Variants in SPATA6L observed in about 807,000 individuals in gnomAD.
SPATA6L encodes the protein spermatogenesis associated 6-like protein.
In SPATA6L, 68 loss-of-function variants were observed where a neutral mutation model predicts 49.2. That is an observed-to-expected ratio of 1.38 (90% CI 1.14 to 1.69). The LOEUF is 1.69. SPATA6L is among the 40% of genes most tolerant of loss of function. The probability of loss-of-function intolerance (pLI) is 0.00; values close to 1 mark genes in which losing one functional copy is unlikely to be tolerated. For missense variants in SPATA6L, 668 were observed against 464.3 expected (o/e 1.44, Z -4.03); for synonymous variants, 198 against 165.7 (o/e 1.19, Z -1.50).
chr9:4,597,615 T>C (rs79929672), downstream of SPATA6L, among the ~76,000 whole-genome samples: 1,337 of 152,316 alleles, frequency 8.8e-3, 13 homozygotes, highest in African/African-American at 0.031. Context: ...AGTAACTTCA[T>C]TGCCATAATT....
At chr9:4,601,155 T>C (rs147496093) in intron 11 of SPATA6L, among the ~76,000 whole-genome samples, 2 of 152,206 alleles carry the variant, frequency 1.3e-5, no homozygotes, top group African/African-American at 2.4e-5. Flanking sequence ...CAATTAACTA[T>C]ATTCTACTGA....
chr9:4,644,253 G>GCTA (rs1460593423), intron 3 of SPATA6L, among the ~76,000 whole-genome samples: 1 of 142,344 alleles, frequency 7.0e-6, no homozygotes, highest in African/African-American at 2.6e-5. Context: ...TGTAGTTCCA[G>GCTA]CTACTGGGAG....
intron 6 of SPATA6L, among the ~76,000 whole-genome samples, chr9:4,624,068 A>G (rs2130436103): frequency 6.6e-6 from 1 of 152,354 alleles, no homozygotes; most frequent in Middle Eastern, 3.4e-3. Context: ...ACTACAATTC[A>G]TAGTCTCTGC....
At chr9:4,594,296 G>GA (rs1822095422), downstream of SPATA6L, among the ~76,000 whole-genome samples, 4 of 152,158 alleles carry the variant, frequency 2.6e-5, no homozygotes, top group Non-Finnish European at 5.9e-5. Flanking sequence ...TGCAAGCTCT[G>GA]CCTCCCGGGT....
chr9:4,605,480 A>G lies in SPATA6L; in HGVS notation c.996-40T>C, dbSNP rs748968047. The G allele has an allele frequency of 1.6e-5, 23 of 1,400,868 alleles. No individual in the cohort carries two copies. The Admixed American group carries it at 3.6e-4, about 22-fold the overall frequency. 86.8% of individuals were successfully genotyped at this position (1,400,868 alleles called of 1,614,324 possible). On this transcript the variant is annotated intron_variant, in intron 9 of 11. Transcript: ENST00000682582. Reference sequence around the variant, plus strand: ...GAACAGGGTGGAATATTAAGCAGCTACTAAAAAGGACACTTAAAGCACATG... The same window carrying G: ...GAACAGGGTGGAATATTAAGCAGCTGCTAAAAAGGACACTTAAAGCACATG...
intron 9 of SPATA6L, among the ~76,000 whole-genome samples, chr9:4,612,426 C>T (rs1405634538): frequency 6.6e-6 from 1 of 152,160 alleles, no homozygotes; most frequent in Non-Finnish European, 1.5e-5. Flanking sequence ...TTTGGCAACA[C>T]TGTTCTCTCT....
At chr9:4,666,140 T>C in intron 1 of SPATA6L, 72 bp downstream of exon 1, 1 of 1,409,694 alleles carries the variant, frequency 7.1e-7, no homozygotes, top group Non-Finnish European at 1.0e-6. Flanking sequence ...TGGGGGAGGG[T>C]TGTTGAAAAC....
In SPATA6L at chr9:4,662,859, G is replaced by C. The variant is rs746236884; in HGVS notation, c.40-823C>G. The C allele has an allele frequency of 6.2e-7, 1 of 1,605,278 alleles. No individual in the cohort carries two copies. The highest frequency in any genetic ancestry group is 8.5e-7 in the Non-Finnish European group (1 of 1,179,960). On this transcript the variant is annotated intron_variant, in intron 1 of 11. Coordinates refer to ENST00000682582, the MANE Select transcript of SPATA6L (RefSeq NM_001353486.2). The surrounding 1 kb of genome is among the most constrained non-coding windows in gnomAD (Gnocchi z 4.9). Reference sequence around the variant, plus strand: ...CCTGTGCAGGAGCGACAGCTGGGCCGGGCGCGAGGTGCTGATGAACCTGCT... The same window carrying C: ...CCTGTGCAGGAGCGACAGCTGGGCCCGGCGCGAGGTGCTGATGAACCTGCT...
chr9:4,612,462 C>G (rs566077664), intron 9 of SPATA6L, among the ~76,000 whole-genome samples: 2 of 152,172 alleles, frequency 1.3e-5, no homozygotes, highest in South Asian at 4.1e-4. Context: ...CAGGGGCTCA[C>G]TACTCTTATT....
At chr9:4,609,395 C>CA (rs1261896626) in intron 9 of SPATA6L, among the ~76,000 whole-genome samples, 1 of 152,062 alleles carries the variant, frequency 6.6e-6, no homozygotes, top group African/African-American at 2.4e-5. Context: ...CAAAATTCCC[C>CA]AAAAAATACT....
At chr9:4,607,004 C>A (rs925530756) in intron 9 of SPATA6L, among the ~76,000 whole-genome samples, 1 of 148,356 alleles carries the variant, frequency 6.7e-6, no homozygotes. Context: ...AATGCAGAAG[C>A]CTCAGGAGCC....
At chr9:4,618,228 C>G (rs555404530) in intron 8 of SPATA6L, 118 bp from the exon 9 acceptor site, 1 of 764,850 alleles carries the variant, frequency 1.3e-6, no homozygotes, top group East Asian at 2.8e-5. Context: ...ATATTTGCCC[C>G]AGGGATCTCC....
intron 9 of SPATA6L, among the ~76,000 whole-genome samples, chr9:4,614,667 TCA>T (rs1827548991): frequency 6.6e-6 from 1 of 151,900 alleles, no homozygotes; most frequent in African/African-American, 2.4e-5. Flanking sequence ...TACCTGGGAC[TCA>T]GGGGTTTCCC....
rs1368292867 is a variant in SPATA6L at position 4,614,925 on chromosome 9, C to G, written c.995+2998G>C. Among the ~76,000 whole-genome samples the G allele has an allele frequency of 2.0e-5, 3 of 152,198 alleles. No homozygotes were observed. The South Asian group carries it at 6.2e-4, about 32-fold the overall frequency. On this transcript the variant is annotated intron_variant, in intron 9 of 11. Transcript: ENST00000682582. ...CTTTCTAAAGTCACTTGTGCCAACTCCTGTGACTAATGTCACAGAGCTCCT... is the reference window on the plus strand; with the variant it reads ...CTTTCTAAAGTCACTTGTGCCAACTGCTGTGACTAATGTCACAGAGCTCCT...
At chr9:4,619,209 G>C (rs111927582) in intron 7 of SPATA6L, among the ~76,000 whole-genome samples, 7,403 of 146,028 alleles carry the variant, frequency 0.051, 613 homozygotes, top group African/African-American at 0.17. Flanking sequence ...CCAGGCTGGA[G>C]TGCAATGGCA....
rs754613381 is a variant in SPATA6L at position 4,600,489 on chromosome 9, GAGCC to G, written c.*318_*321del. 2 of 147,150 alleles carry G rather than the reference GAGCC, an allele frequency of 1.4e-5. No individual in the cohort carries two copies. Among genetic ancestry groups the G allele is most frequent in the East Asian group, 1.9e-4 (1 of 5,130 alleles). 9.1% of individuals were successfully genotyped at this position (147,150 alleles called of 1,614,324 possible). A position where few individuals can be genotyped will look rare whatever the true frequency, so the allele number is the denominator to read the frequency against. ...AGAGAGAGACAGAGAGAGCCAGAGA[GAGCC>G]AGAGAGAGAGAGAGGGGAAGTGTTC... On this transcript the variant is annotated 3_prime_UTR_variant, in exon 12 of 12. Transcript: ENST00000682582.
chr9:4,606,379 T>A (rs559266936), intron 9 of SPATA6L, among the ~76,000 whole-genome samples: 42 of 126,616 alleles, frequency 3.3e-4, no homozygotes, highest in South Asian at 2.4e-3. Context: ...CAGTAACCTC[T>A]GCAGACTTAA....
At chr9:4,656,913 A>G (rs559832656) in intron 2 of SPATA6L, among the ~76,000 whole-genome samples, 1 of 150,700 alleles carries the variant, frequency 6.6e-6, no homozygotes, top group Non-Finnish European at 1.5e-5. Flanking sequence ...CGTAACACAA[A>G]ACAAAAGCTA....
At position 4,646,430 on chromosome 9, in the gene SPATA6L, A is replaced by G. The variant is rs1227509681; in HGVS notation, c.226+9611T>C. On this transcript the variant is annotated intron_variant, in intron 3 of 11. Coordinates refer to ENST00000682582, the MANE Select transcript of SPATA6L (RefSeq NM_001353486.2). Reference sequence around the variant, plus strand: ...AGTACAGTCCCCATTTTGACAGGCCAAATTTATTTTAAAATCATATTAAGC... The same window carrying G: ...AGTACAGTCCCCATTTTGACAGGCCGAATTTATTTTAAAATCATATTAAGC... 1.1e-5 allele frequency: 15 copies of G among 1,317,680 alleles called. No individual in the cohort carries two copies. In the East Asian group the frequency reaches 1.9e-4, roughly 17 times the overall value. The allele number at this position is 1,317,680 out of a possible 1,614,324, so 81.6% of individuals were successfully genotyped here.
Sources: gnomAD v4.1 joint callset for allele counts (sites outside exome capture counted in the v4.1 genomes callset) on GRCh38, gnomAD v4.1.1 for gene constraint, Gnocchi (gnomAD v3.1) non-coding constraint, MANE v1.5 for transcripts, NCBI Gene and HGNC (gene_info 2026-07-23, HGNC 2026-07-21) for gene names.